RAP1GAP: variants seen among roughly 807,000 people sequenced by gnomAD.
RAP1GAP encodes rap1 GTPase-activating protein 1.
In RAP1GAP, 35 loss-of-function variants were observed where a neutral mutation model predicts 87.2. The ratio of observed to expected loss-of-function variants is 0.40; its 90% CI spans 0.31 to 0.53. RAP1GAP has a LOEUF of 0.53. RAP1GAP is among the 20% of genes least tolerant of loss of function. RAP1GAP has a pLI of 0.48. For synonymous variants in RAP1GAP, 375 were observed against 363.9 expected (o/e 1.03, Z -0.35); for missense variants, 734 against 898.9 (o/e 0.82, Z 2.35).
intron 18 of RAP1GAP, among the ~76,000 whole-genome samples, chr1:21,605,338 A>T (rs1248838380): frequency 6.6e-6 from 1 of 152,184 alleles, no homozygotes; most frequent in Non-Finnish European, 1.5e-5. Flanking sequence ...GCGGACACAC[A>T]GTAGGAGGTG....
intron 19 of RAP1GAP, among the ~76,000 whole-genome samples, chr1:21,602,556 T>C (rs1471610114): frequency 6.6e-6 from 1 of 152,226 alleles, no homozygotes; most frequent in African/African-American, 2.4e-5. Context: ...TGCCCATCAC[T>C]GGCTGTGTGA....
intron 18 of RAP1GAP, 30 bp downstream of exon 18, chr1:21,606,036 C>T: frequency 1.3e-6 from 2 of 1,556,540 alleles, no homozygotes; most frequent in East Asian, 2.3e-5. Flanking sequence ...CAGGGAGGGG[C>T]CGGGGCCTGG....
At chr1:21,665,253 C>T in intron 1 of RAP1GAP, 1 of 517,612 alleles carries the variant, frequency 1.9e-6, no homozygotes, top group Non-Finnish European at 3.9e-6. Flanking sequence ...AGAATTCGAA[C>T]TTGGGTCTGC....
Position 21,668,872 on chromosome 1 carries a change from G to A in RAP1GAP, c.-149+382C>T, listed in dbSNP as rs755126458. ...GCTTGGGCCCCTCCCCAGGGATGGA[G>A]GAAACGCGCCCACTTCCCACAGTCC... On this transcript the variant is annotated intron_variant, in intron 1 of 24. Coordinates refer to ENST00000374765, the MANE Select transcript of RAP1GAP (RefSeq NM_002885.4). The surrounding 1 kb of genome is among the most constrained non-coding windows in gnomAD (Gnocchi z 6.2). 3.0e-4 allele frequency among the ~76,000 whole-genome samples: 46 copies of A among 151,910 alleles called. No individual in the cohort carries two copies. Among genetic ancestry groups the A allele is most frequent in the Non-Finnish European group, 5.7e-4 (39 of 67,864 alleles).
intron 1 of RAP1GAP, chr1:21,651,528 T>C (rs2096563126): frequency 3.0e-6 from 2 of 667,922 alleles, no homozygotes; most frequent in Non-Finnish European, 5.7e-6. Flanking sequence ...ATGTCCACCC[T>C]GCACTCACCT....
chr1:21,662,191 T>C (rs902024102), intron 1 of RAP1GAP, among the ~76,000 whole-genome samples: 2 of 152,150 alleles, frequency 1.3e-5, no homozygotes, highest in Non-Finnish European at 2.9e-5. Flanking sequence ...CCTAGGTCCA[T>C]CTCCTTGCCT....
intron 2 of RAP1GAP, among the ~76,000 whole-genome samples, chr1:21,649,017 G>T (rs548553413): frequency 2.4e-4 from 36 of 152,310 alleles, no homozygotes; most frequent in Non-Finnish European, 4.1e-4. Flanking sequence ...GAGCCGTCGG[G>T]GGGCTCTCCT....
intron 21 of RAP1GAP, 70 bp downstream of exon 21, chr1:21,599,424 G>C: frequency 6.5e-7 from 1 of 1,547,376 alleles, no homozygotes; most frequent in Non-Finnish European, 8.7e-7. Context: ...TTCTACTCAG[G>C]GCATCTCCAG....
chr1:21,620,133 C>A, intron 3 of RAP1GAP, 83 bp from the exon 4 acceptor site: 1 of 1,475,070 alleles, frequency 6.8e-7, no homozygotes, highest in South Asian at 1.2e-5. Flanking sequence ...CCCTCCGGGT[C>A]CCACCAGCTC....
intron 1 of RAP1GAP, among the ~76,000 whole-genome samples, chr1:21,652,444 T>A (rs868435838): frequency 1.3e-5 from 2 of 152,030 alleles, no homozygotes; most frequent in African/African-American, 4.8e-5. Context: ...GGGGACAGCG[T>A]TCTACCCTTC....
At chr1:21,608,608 C>CA (rs1333498279) in intron 16 of RAP1GAP, among the ~76,000 whole-genome samples, 54 of 151,352 alleles carry the variant, frequency 3.6e-4, no homozygotes, top group Admixed American at 3.2e-3. Context: ...TCCACCCCCC[C>CA]ACCTGACAGG....
At chr1:21,651,751 C>G (rs1473935760) in intron 1 of RAP1GAP, 2 of 1,463,844 alleles carry the variant, frequency 1.4e-6, no homozygotes, top group Admixed American at 4.6e-5. Context: ...CGCGCACGCG[C>G]CCCGCCCCGC....
In RAP1GAP at chr1:21,622,305, T is replaced by A; in HGVS notation, c.-18-2255A>T. ...CAGTCGGGGTGACCCAGCCCCGGGG[T>A]CCCTCCGCCATGCCGCCCCGCCCGG... is the stretch of plus-strand genomic sequence containing the variant. On this transcript the variant is annotated intron_variant, in intron 3 of 24. Coordinates refer to ENST00000374765, the MANE Select transcript of RAP1GAP (RefSeq NM_002885.4). This position sits in a 1 kb window ranked among gnomAD's most constrained non-coding sequence, Gnocchi z 5.7. 1 of 499,268 alleles carries A rather than the reference T, an allele frequency of 2.0e-6. No homozygotes were observed. Among genetic ancestry groups the A allele is most frequent in the Non-Finnish European group, 3.6e-6 (1 of 280,106 alleles). The allele number at this position is 499,268 out of a possible 1,614,324, so 30.9% of individuals were successfully genotyped here.
chr1:21,620,143 C>A, intron 3 of RAP1GAP, 93 bp from the exon 4 acceptor site: 1 of 1,382,194 alleles, frequency 7.2e-7, no homozygotes. Context: ...CCCACCAGCT[C>A]TGATCAGTGA....
rs749544850 is a variant in RAP1GAP at position 21,668,748 on chromosome 1, T to C, written c.-149+506A>G. Among the ~76,000 whole-genome samples, 6 of 152,010 alleles carry C rather than the reference T, an allele frequency of 3.9e-5. No homozygotes were observed. Among genetic ancestry groups the C allele is most frequent in the African/African-American group, 4.8e-5 (2 of 41,408 alleles). On this transcript the variant is annotated intron_variant, in intron 1 of 24. Coordinates refer to ENST00000374765, the MANE Select transcript of RAP1GAP (RefSeq NM_002885.4). The surrounding 1 kb of genome is among the most constrained non-coding windows in gnomAD (Gnocchi z 6.2). ...GGGGAATGCGTCCTGTCTCTGGGGA[T>C]GCAAGGACATCACCGCCCTCCCCGC...
At chr1:21,611,361 A>G (rs946195372) in intron 13 of RAP1GAP, 91 bp downstream of exon 13, 2 of 1,478,474 alleles carry the variant, frequency 1.4e-6, no homozygotes, top group African/African-American at 1.4e-5. Context: ...CCCAGGGCCC[A>G]GCGCTGAGCC....
At chr1:21,644,924 A>AAAAGAAAGAAAG (rs71671787) in intron 2 of RAP1GAP, among the ~76,000 whole-genome samples, 44 of 147,522 alleles carry the variant, frequency 3.0e-4, no homozygotes, top group Admixed American at 6.7e-4. Context: ...AAAAAAAGAG[A>AAAAGAAAGAAAG]AAAGAAAGAA....
At chr1:21,651,678 C>T in intron 1 of RAP1GAP, 3 of 1,184,902 alleles carry the variant, frequency 2.5e-6, no homozygotes, top group Non-Finnish European at 3.6e-6. Flanking sequence ...ATAGCCCAGG[C>T]CCACCCGCCC....
chr1:21,607,694 G>A (rs1262261), intron 17 of RAP1GAP, among the ~76,000 whole-genome samples: 1 of 152,012 alleles, frequency 6.6e-6, no homozygotes, highest in African/African-American at 2.4e-5. Flanking sequence ...TCCCCACCTA[G>A]GCCCCACCTC....
Sources: allele counts gnomAD v4.1 joint callset (sites outside exome capture counted in the v4.1 genomes callset), GRCh38; gene constraint gnomAD v4.1.1; non-coding constraint Gnocchi (gnomAD v3.1); transcripts MANE v1.5; gene names NCBI Gene and HGNC (gene_info 2026-07-23, HGNC 2026-07-21).